CAMK4: variants seen among roughly 807,000 people sequenced by gnomAD.
CAMK4 encodes calcium/calmodulin dependent protein kinase IV.
CAMK4 carries 22 observed loss-of-function variants against 44.9 expected under a neutral mutation model. That is an observed-to-expected ratio of 0.49 (90% CI 0.35 to 0.70). The LOEUF is 0.70. Among genes scored for constraint, CAMK4 ranks in the 30% least tolerant of loss-of-function variants. The pLI, the probability that CAMK4 is intolerant of heterozygous loss-of-function variation, is 0.01. For synonymous variants in CAMK4, 218 were observed against 215.4 expected, an observed-to-expected ratio of 1.01 and a Z score of -0.11; for missense variants, 498 against 586.8, an observed-to-expected ratio of 0.85 and a Z score of 1.56.
chr5:111,297,194 G>A (rs1008892896), intron 1 of CAMK4, among the ~76,000 whole-genome samples: 7 of 152,156 alleles, frequency 4.6e-5, no homozygotes, highest in Non-Finnish European at 8.8e-5. Context: ...GTTATTTCTA[G>A]CAGCACTTAA....
At chr5:111,467,576 A>G (rs1754886611) in intron 7 of CAMK4, among the ~76,000 whole-genome samples, 1 of 152,108 alleles carries the variant, frequency 6.6e-6, no homozygotes, top group South Asian at 2.1e-4. Context: ...AAGATATACA[A>G]ATGGCTAACA....
chr5:111,428,065 A>G (rs1248138165), intron 5 of CAMK4, among the ~76,000 whole-genome samples: 1 of 152,252 alleles, frequency 6.6e-6, no homozygotes, highest in Non-Finnish European at 1.5e-5. Context: ...AGGAGAAAGT[A>G]AGGGAAGGGA....
chr5:111,242,913 G>A (rs1473189300), intron 1 of CAMK4, among the ~76,000 whole-genome samples: 1 of 151,900 alleles, frequency 6.6e-6, no homozygotes, highest in Non-Finnish European at 1.5e-5. Flanking sequence ...GTGTCATCTC[G>A]GGAAGCCCTG....
intron 2 of CAMK4, among the ~76,000 whole-genome samples, chr5:111,364,738 G>T (rs978343033): frequency 6.6e-6 from 1 of 151,960 alleles, no homozygotes; most frequent in African/African-American, 2.4e-5. Flanking sequence ...TCTTCCCAAT[G>T]TCTTAGAGTC....
intron 2 of CAMK4, among the ~76,000 whole-genome samples, chr5:111,363,868 G>A (rs992417179): frequency 6.6e-6 from 1 of 152,064 alleles, no homozygotes; most frequent in Non-Finnish European, 1.5e-5. Flanking sequence ...TCCAACAAAG[G>A]CATTTAAGCT....
chr5:111,247,121 C>G (rs1749276068), intron 1 of CAMK4, among the ~76,000 whole-genome samples: 1 of 151,436 alleles, frequency 6.6e-6, no homozygotes. Flanking sequence ...TATATTATGC[C>G]CAGCTCATAG....
intron 7 of CAMK4, among the ~76,000 whole-genome samples, chr5:111,467,373 C>CAAAAAAA (rs34201915): frequency 4.6e-4 from 23 of 49,482 alleles, no homozygotes; most frequent in East Asian, 6.6e-4. Flanking sequence ...TTCTGCATAG[C>CAAAAAAA]AAAAAAAAAA....
At chr5:111,446,544 T>C (rs1029825699) in intron 5 of CAMK4, 142 bp from the exon 6 acceptor site, 1 of 560,770 alleles carries the variant, frequency 1.8e-6, no homozygotes, top group African/African-American at 1.9e-5. Flanking sequence ...TTAAAACAGA[T>C]TTTCCTTTAT....
At chr5:111,437,861 G>A (rs1241461280) in intron 5 of CAMK4, among the ~76,000 whole-genome samples, 1 of 152,134 alleles carries the variant, frequency 6.6e-6, no homozygotes, top group African/African-American at 2.4e-5. Context: ...TAAAGTCGTG[G>A]AAAACCATTG....
chr5:111,353,658 A>G (rs1159444693), intron 2 of CAMK4, among the ~76,000 whole-genome samples: 1 of 152,160 alleles, frequency 6.6e-6, no homozygotes, highest in African/African-American at 2.4e-5. Flanking sequence ...GTAAAGTTTC[A>G]GAATATATAA....
In CAMK4 at chr5:111,224,702, C is replaced by G; in HGVS notation, c.161+58C>G. The G allele has an allele frequency of 6.6e-7, 1 of 1,525,538 alleles. No homozygotes were observed. The highest frequency in any genetic ancestry group is 1.2e-5 in the South Asian group (1 of 83,466). 94.5% of individuals were successfully genotyped at this position (1,525,538 alleles called of 1,614,324 possible). A position where few individuals can be genotyped will look rare whatever the true frequency, so the allele number is the denominator to read the frequency against. On this transcript the variant is annotated intron_variant, in intron 1 of 10. Transcript: ENST00000282356. The surrounding 1 kb of genome is among the most constrained non-coding windows in gnomAD (Gnocchi z 5.7). ...GGCGTGCACTGGGGGTTGTCCCTCTCGCAGCGACGGCTCGGAGGGTGCGGG... is the reference window on the plus strand; with the variant it reads ...GGCGTGCACTGGGGGTTGTCCCTCTGGCAGCGACGGCTCGGAGGGTGCGGG...
chr5:111,425,970 T>C lies in CAMK4; in HGVS notation c.460-20716T>C, dbSNP rs914639182. ...ATTTAAAGAATAGTGTGATACTGTA[T>C]GGAGTTCAAGTTCATGACAGAACAT... On this transcript the variant is annotated intron_variant, in intron 5 of 10. Transcript: ENST00000282356. 2.0e-5 allele frequency among the ~76,000 whole-genome samples: 3 copies of C among 152,218 alleles called. No individual in the cohort carries two copies. In the East Asian group the frequency reaches 5.8e-4, roughly 29 times the overall value.
intron 2 of CAMK4, among the ~76,000 whole-genome samples, chr5:111,368,408 G>A (rs1054511311): frequency 1.3e-5 from 2 of 152,134 alleles, no homozygotes; most frequent in Admixed American, 1.3e-4. Flanking sequence ...TTAGAAGTGC[G>A]AGGAAAACAC....
intron 5 of CAMK4, among the ~76,000 whole-genome samples, chr5:111,436,219 A>G (rs1033337543): frequency 1.3e-5 from 2 of 152,232 alleles, no homozygotes; most frequent in Non-Finnish European, 1.5e-5. Flanking sequence ...CCAGTGCCAT[A>G]TAGTTTATCT....
chr5:111,428,011 C>T lies in CAMK4; in HGVS notation c.460-18675C>T, dbSNP rs985050348. On this transcript the variant is annotated intron_variant, in intron 5 of 10. Transcript: ENST00000282356. ...GGCCACAGGGGTGCTTGTGTCACTC[C>T]ATCCCCAGATGTAGGTGGCTCAGAA... 5.3e-5 allele frequency among the ~76,000 whole-genome samples: 8 copies of T among 152,356 alleles called. 1 individual carries two copies. In the East Asian group the frequency reaches 5.8e-4, roughly 11 times the overall value.
chr5:111,411,151 C>G (rs1288914611), intron 5 of CAMK4, among the ~76,000 whole-genome samples: 2 of 152,088 alleles, frequency 1.3e-5, no homozygotes, highest in Non-Finnish European at 2.9e-5. Context: ...ACAGAAGAAC[C>G]AAGCAGGAGG....
chr5:111,319,843 A>T (rs1748584511), intron 1 of CAMK4, among the ~76,000 whole-genome samples: 1 of 134,872 alleles, frequency 7.4e-6, no homozygotes, highest in Admixed American at 7.0e-5. Flanking sequence ...ACATCCAATT[A>T]AAAAAAACTG....
intron 7 of CAMK4, among the ~76,000 whole-genome samples, chr5:111,468,877 C>T (rs1228095109): frequency 1.3e-5 from 2 of 151,908 alleles, no homozygotes. Flanking sequence ...ACTCAGGAGG[C>T]AGAGGCAAGA....
At chr5:111,293,208 G>A (rs1489110144) in intron 1 of CAMK4, among the ~76,000 whole-genome samples, 2 of 152,092 alleles carry the variant, frequency 1.3e-5, no homozygotes, top group East Asian at 1.9e-4. Context: ...TGGAGAAATG[G>A]CACGTGTCAT....
Sources: allele counts gnomAD v4.1 joint callset (sites outside exome capture counted in the v4.1 genomes callset), GRCh38; gene constraint gnomAD v4.1.1; non-coding constraint Gnocchi (gnomAD v3.1); transcripts MANE v1.5; gene names NCBI Gene and HGNC (gene_info 2026-07-23, HGNC 2026-07-21).